Variants in ANK3 observed in about 807,000 individuals in gnomAD.
ANK3 encodes ankyrin-3.
ANK3 carries 57 observed loss-of-function variants against 370.9 expected under a neutral mutation model. The ratio of observed to expected loss-of-function variants is 0.15; its 90% CI spans 0.12 to 0.19. ANK3 has a LOEUF of 0.19. Among genes scored for constraint, ANK3 ranks in the 10% least tolerant of loss-of-function variants. The probability of loss-of-function intolerance (pLI) is 1.00; values close to 1 mark genes in which losing one functional copy is unlikely to be tolerated. For synonymous variants in ANK3, 1,929 were observed against 1,946.3 expected (o/e 0.99, Z 0.23); for missense variants, 4,439 against 5,302.1 (o/e 0.84, Z 5.06).
intron 1 of ANK3, among the ~76,000 whole-genome samples, chr10:60,381,675 G>A (rs1052833527): frequency 1.3e-5 from 2 of 152,126 alleles, no homozygotes; most frequent in African/African-American, 2.4e-5. Flanking sequence ...ACTTTAGGAG[G>A]GGAAGCTGGA....
chr10:60,042,725 T>G lies in ANK3; in HGVS notation c.13100A>C (p.Glu4367Ala). The G allele has an allele frequency of 6.2e-7, 1 of 1,614,012 alleles. No homozygotes were observed. Among genetic ancestry groups the G allele is most frequent in the Non-Finnish European group, 8.5e-7 (1 of 1,179,992 alleles). ...GCTCTTCTTTTCCACATGCCGGATT[T>G]CTTTCTTCGTTTTCACCTTAAAACC... is the stretch of plus-strand genomic sequence containing the variant. ...GEGFKVKTKK[E>A]IRHVEKKSHS The change falls in exon 43 of 44, where the codon GAA (glutamate) becomes GCA (alanine). Residue 4367 changes from glutamate (E) to alanine (A), a missense_variant. Physicochemically the swap from Glu to Ala is moderately radical, Grantham distance 107 (BLOSUM62 -1). Coordinates refer to ENST00000280772, the MANE Select transcript of ANK3 (RefSeq NM_020987.5).
In ANK3 at chr10:60,278,888, C is replaced by T; in HGVS notation, c.316-16G>A. ...TGTTTCCTTTCTGTGAAATGAAAGTCAAGATATATCAACTCATCGATCTTT... is the reference window on the plus strand; with the variant it reads ...TGTTTCCTTTCTGTGAAATGAAAGTTAAGATATATCAACTCATCGATCTTT... On this transcript the variant is annotated splice_polypyrimidine_tract_variant and intron_variant, in intron 3 of 43. Transcript: ENST00000280772. 1.2e-6 allele frequency: 2 copies of T among 1,609,460 alleles called. No individual in the cohort carries two copies.
intron 1 of ANK3, among the ~76,000 whole-genome samples, chr10:60,304,403 G>A (rs777489587): frequency 7.9e-5 from 12 of 152,144 alleles, no homozygotes; most frequent in Non-Finnish European, 1.3e-4. Context: ...AGCACTTTGG[G>A]AGGCTGAGGT....
intron 1 of ANK3, among the ~76,000 whole-genome samples, chr10:60,725,783 C>G (rs1331334046): frequency 6.6e-6 from 1 of 152,068 alleles, no homozygotes; most frequent in Non-Finnish European, 1.5e-5. Context: ...AAGTTTCTAA[C>G]TATTGTCCCC....
chr10:60,649,437 A>G (rs1001237993), intron 1 of ANK3, among the ~76,000 whole-genome samples: 2 of 152,220 alleles, frequency 1.3e-5, no homozygotes, highest in African/African-American at 4.8e-5. Flanking sequence ...TACTTCTGAT[A>G]ACATCCTAGA....
intron 2 of ANK3, among the ~76,000 whole-genome samples, chr10:60,479,778 A>G (rs1300942109): frequency 6.6e-6 from 1 of 152,156 alleles, no homozygotes; most frequent in African/African-American, 2.4e-5. Flanking sequence ...TTCAGTTCAA[A>G]CACAATCATC....
intron 1 of ANK3, among the ~76,000 whole-genome samples, chr10:60,720,036 A>G (rs1034814454): frequency 6.6e-6 from 1 of 152,204 alleles, no homozygotes; most frequent in South Asian, 2.1e-4. Context: ...ACGAATTCCC[A>G]TCATTTTATT....
chr10:60,697,417 T>C lies in ANK3; in HGVS notation c.57+35846A>G, dbSNP rs886605151. Among the ~76,000 whole-genome samples the C allele has an allele frequency of 4.7e-4, 71 of 150,746 alleles. 1 individual carries two copies. In the South Asian group the frequency reaches 0.011, roughly 23 times the overall value. ...GGAAAAAACTACTTTAAAGTTCATA[T>C]GGAACCAAAAAAGAGCCCGCATCGC... On this transcript the variant is annotated intron_variant, in intron 1 of 43. Coordinates refer to the ANK3 transcript ENST00000373827.
chr10:60,189,635 T>C (rs1300137024), intron 16 of ANK3, among the ~76,000 whole-genome samples: 1 of 152,146 alleles, frequency 6.6e-6, no homozygotes, highest in Non-Finnish European at 1.5e-5. Flanking sequence ...TGTTTCTACT[T>C]TGTGAAAAGT....
At chr10:60,404,331 G>A (rs1567012636) in intron 2 of ANK3, among the ~76,000 whole-genome samples, 1 of 152,026 alleles carries the variant, frequency 6.6e-6, no homozygotes, top group African/African-American at 2.4e-5. Context: ...GACACTACCT[G>A]AATTTAAAAT....
chr10:60,509,655 A>C (rs761841921), intron 2 of ANK3, among the ~76,000 whole-genome samples: 5 of 152,186 alleles, frequency 3.3e-5, no homozygotes, highest in Admixed American at 6.6e-5. Context: ...CTTCAAAAAA[A>C]TCAAAATGAT....
At chr10:60,395,670 G>T (rs1034031944) in intron 2 of ANK3, among the ~76,000 whole-genome samples, 1 of 144,814 alleles carries the variant, frequency 6.9e-6, no homozygotes, top group Non-Finnish European at 1.5e-5. Flanking sequence ...TTCTTTTGTA[G>T]AGGTGAGGCA....
rs140610044 is a variant in ANK3 at position 60,416,228 on chromosome 10, C to T, written c.97-136589G>A. 1.6e-3 allele frequency among the ~76,000 whole-genome samples: 244 copies of T among 152,094 alleles called. 1 individual carries two copies. The highest frequency in any genetic ancestry group is 5.6e-3 in the African/African-American group (231 of 41,486). On this transcript the variant is annotated intron_variant, in intron 2 of 43. Coordinates refer to the ANK3 transcript ENST00000373827. ...ATAGATTTCTGTTATTTATGATCCA[C>T]CTAGTTTGTGGAATTTTGTTACAGT...
At chr10:60,543,573 A>C (rs980685469) in intron 2 of ANK3, among the ~76,000 whole-genome samples, 2 of 152,064 alleles carry the variant, frequency 1.3e-5, no homozygotes, top group African/African-American at 4.8e-5. Flanking sequence ...TACACAGGCT[A>C]TCTCTGAAAG....
rs928744064 is a variant in ANK3 at position 60,055,827 on chromosome 10, G to A, written c.12896C>T (p.Pro4299Leu). 6.2e-7 allele frequency: 1 copy of A among 1,614,170 alleles called. No individual in the cohort carries two copies. The highest frequency in any genetic ancestry group is 2.2e-5 in the East Asian group (1 of 44,876). ...TAGAGATTTCTGATATGCTGCTAGT[G>A]GTGATGCTGGTTCTTCAACATGACC... Reference protein sequence around the residue: ...GSGHVEEPASPLAAYQKSLEE... With the variant: ...GSGHVEEPASLLAAYQKSLEE... The change falls in exon 42 of 44, where the codon CCA becomes CTA. Residue 4299 changes from proline to leucine, a missense_variant. Physicochemically the swap from Pro to Leu is moderately conservative, Grantham distance 98. Transcript: ENST00000280772.
chr10:60,162,367 TG>T (rs1046773655), intron 23 of ANK3, among the ~76,000 whole-genome samples: 2 of 152,206 alleles, frequency 1.3e-5, no homozygotes, highest in African/African-American at 4.8e-5. Flanking sequence ...TGTCCAGCTC[TG>T]CCACAAACCT....
chr10:60,463,924 A>C (rs1414040698), intron 2 of ANK3, among the ~76,000 whole-genome samples: 1 of 152,140 alleles, frequency 6.6e-6, no homozygotes, highest in Non-Finnish European at 1.5e-5. Flanking sequence ...AGACATTTTT[A>C]ACTCTCTGCT....
intron 2 of ANK3, chr10:60,507,920 A>G (rs1184734164): frequency 1.3e-5 from 2 of 152,134 alleles, no homozygotes; most frequent in Admixed American, 1.3e-4. Context: ...CCTTCTAAAT[A>G]TAGATCTAAT....
chr10:60,581,768 C>CT (rs1302449678), intron 2 of ANK3, among the ~76,000 whole-genome samples: 1 of 151,848 alleles, frequency 6.6e-6, no homozygotes, highest in Non-Finnish European at 1.5e-5. Context: ...AGGTTATTTG[C>CT]TTTTTTGCTG....
Sources: allele counts gnomAD v4.1 joint callset (sites outside exome capture counted in the v4.1 genomes callset), GRCh38; gene constraint gnomAD v4.1.1; transcripts MANE v1.5; gene names NCBI Gene and HGNC (gene_info 2026-07-23, HGNC 2026-07-21).